The following MAPKAP1 variants were observed in gnomAD, a reference collection of about 807,000 sequenced individuals.
MAPKAP1 encodes MAPK associated protein 1, also known as target of rapamycin complex 2 subunit MAPKAP1.
MAPKAP1 carries 20 observed loss-of-function variants against 65.7 expected under a neutral mutation model. That is an observed-to-expected ratio of 0.30 (90% CI 0.21 to 0.44). MAPKAP1 has a LOEUF of 0.44. Among genes scored for constraint, MAPKAP1 ranks in the 20% least tolerant of loss-of-function variants. The pLI, the probability that MAPKAP1 is intolerant of heterozygous loss-of-function variation, is 1.00. For missense variants in MAPKAP1, 423 were observed against 648.0 expected, an observed-to-expected ratio of 0.65 and a Z score of 3.77; for synonymous variants, 222 against 244.3, an observed-to-expected ratio of 0.91 and a Z score of 0.85.
intron 10 of MAPKAP1, among the ~76,000 whole-genome samples, chr9:125,462,052 G>C (rs1853515643): frequency 6.6e-6 from 1 of 152,104 alleles, no homozygotes; most frequent in Non-Finnish European, 1.5e-5. Context: ...AAAATTCCTG[G>C]GTATCTCCTC....
intron 5 of MAPKAP1, among the ~76,000 whole-genome samples, chr9:125,560,610 A>G (rs147679758): frequency 1.2e-3 from 183 of 152,342 alleles, no homozygotes; most frequent in African/African-American, 4.2e-3. Context: ...AAATTAAAAA[A>G]GAAAATATTT....
intron 4 of MAPKAP1, among the ~76,000 whole-genome samples, chr9:125,634,639 T>C (rs1330888880): frequency 1.3e-5 from 2 of 152,220 alleles, no homozygotes; most frequent in South Asian, 2.1e-4. Flanking sequence ...CCATTTTCTG[T>C]GGGCAAACTG....
intron 5 of MAPKAP1, among the ~76,000 whole-genome samples, chr9:125,562,641 A>G (rs1007698876): frequency 4.6e-5 from 7 of 152,322 alleles, no homozygotes; most frequent in Admixed American, 2.6e-4. Context: ...CAGGACTCCA[A>G]ATTAGTACTA....
chr9:125,509,202 C>T (rs1003449061), intron 7 of MAPKAP1, among the ~76,000 whole-genome samples: 2 of 152,036 alleles, frequency 1.3e-5, no homozygotes, highest in East Asian at 3.9e-4. Context: ...GATCATTACA[C>T]ATTCTATGAA....
chr9:125,505,754 T>A (rs1169965248), intron 8 of MAPKAP1, among the ~76,000 whole-genome samples: 1 of 152,258 alleles, frequency 6.6e-6, no homozygotes, highest in Non-Finnish European at 1.5e-5. Flanking sequence ...GACAGTCTGC[T>A]GCCGCAAGCG....
chr9:125,625,743 C>T (rs756449402), intron 4 of MAPKAP1, among the ~76,000 whole-genome samples: 4 of 151,928 alleles, frequency 2.6e-5, no homozygotes, highest in Non-Finnish European at 5.9e-5. Flanking sequence ...TGCAGTGAGC[C>T]GAGATTGCAC....
At chr9:125,691,818 C>T (rs1835179419) in intron 1 of MAPKAP1, among the ~76,000 whole-genome samples, 2 of 152,186 alleles carry the variant, frequency 1.3e-5, no homozygotes, top group Non-Finnish European at 2.9e-5. Context: ...CACTGCTGGA[C>T]TGTAAAGTCC....
At chr9:125,628,478 A>G (rs890061855) in intron 4 of MAPKAP1, among the ~76,000 whole-genome samples, 136 of 152,310 alleles carry the variant, frequency 8.9e-4, no homozygotes, top group African/African-American at 3.2e-3. Context: ...AGCAAATGGC[A>G]TTGGGAAAAT....
At position 125,596,628 on chromosome 9, in the gene MAPKAP1, A is replaced by T. The variant is rs189381234; in HGVS notation, c.499-10901T>A. 9.7e-5 allele frequency: 63 copies of T among 646,428 alleles called. No individual in the cohort carries two copies. In the East Asian group the frequency reaches 1.7e-3, roughly 17 times the overall value. 40.0% of individuals were successfully genotyped at this position (646,428 alleles called of 1,614,324 possible). On this transcript the variant is annotated intron_variant, in intron 4 of 11. Transcript: ENST00000265960. Reference sequence around the variant, plus strand: ...GCTACAGCAGTGGCAGAAGATTTTAATTACTGCCAGCAAACAAAGCTTAAC... The same window carrying T: ...GCTACAGCAGTGGCAGAAGATTTTATTTACTGCCAGCAAACAAAGCTTAAC...
chr9:125,703,906 T>C (rs1835681182), intron 1 of MAPKAP1, among the ~76,000 whole-genome samples: 1 of 152,146 alleles, frequency 6.6e-6, no homozygotes, highest in Admixed American at 6.5e-5. Context: ...GGCTGAATCA[T>C]ATAAATCCAC....
At chr9:125,678,238 A>T (rs907044819) in intron 1 of MAPKAP1, among the ~76,000 whole-genome samples, 9 of 149,730 alleles carry the variant, frequency 6.0e-5, no homozygotes, top group Non-Finnish European at 1.0e-4. Flanking sequence ...TTTTTATTTT[A>T]TTTTATTTTT....
intron 1 of MAPKAP1, among the ~76,000 whole-genome samples, chr9:125,702,231 T>C (rs1835620810): frequency 6.6e-6 from 1 of 152,106 alleles, no homozygotes; most frequent in Middle Eastern, 3.2e-3. Context: ...ACACCATCTC[T>C]ACAAAATTTT....
chr9:125,651,497 C>T (rs552152532), intron 4 of MAPKAP1, among the ~76,000 whole-genome samples: 40 of 151,828 alleles, frequency 2.6e-4, no homozygotes, highest in South Asian at 6.2e-4. Context: ...CCCAGCTACT[C>T]GGGAGGCTGA....
intron 7 of MAPKAP1, among the ~76,000 whole-genome samples, chr9:125,541,205 A>G (rs780341075): frequency 1.4e-4 from 21 of 152,226 alleles, no homozygotes; most frequent in Non-Finnish European, 2.8e-4. Context: ...TGTGTACACA[A>G]AGGTGAACAT....
At chr9:125,579,189 TA>T (rs1831541045) in intron 5 of MAPKAP1, among the ~76,000 whole-genome samples, 1 of 152,156 alleles carries the variant, frequency 6.6e-6, no homozygotes, top group South Asian at 2.1e-4. Flanking sequence ...TTAACAGACG[TA>T]AGTGTAAAGG....
intron 4 of MAPKAP1, among the ~76,000 whole-genome samples, chr9:125,643,142 TGCCA>T (rs1251321476): frequency 6.7e-6 from 1 of 148,964 alleles, no homozygotes; most frequent in Non-Finnish European, 1.5e-5. Flanking sequence ...TCAGGTGATC[TGCCA>T]GCCTTGGCCT....
intron 9 of MAPKAP1, among the ~76,000 whole-genome samples, chr9:125,473,371 C>T (rs1230811679): frequency 6.6e-6 from 1 of 152,186 alleles, no homozygotes; most frequent in Non-Finnish European, 1.5e-5. Flanking sequence ...AGCCATCCGT[C>T]ATGACCTTTT....
At chr9:125,516,308 T>C (rs537021225) in intron 7 of MAPKAP1, among the ~76,000 whole-genome samples, 6 of 152,330 alleles carry the variant, frequency 3.9e-5, no homozygotes, top group African/African-American at 1.4e-4. Context: ...ACAGAAAGCT[T>C]GCACTAGACC....
chr9:125,459,629 T>A (rs1439570724), intron 10 of MAPKAP1, among the ~76,000 whole-genome samples: 27 of 148,830 alleles, frequency 1.8e-4, no homozygotes, highest in African/African-American at 4.9e-4. Context: ...CCCGGCCAAC[T>A]CAGCGAAACC....
Sources: gnomAD v4.1 joint callset for allele counts (sites outside exome capture counted in the v4.1 genomes callset) on GRCh38, gnomAD v4.1.1 for gene constraint, MANE v1.5 for transcripts, NCBI Gene and HGNC (gene_info 2026-07-23, HGNC 2026-07-21) for gene names.